Variants in RGMB observed in about 807,000 individuals in gnomAD.
RGMB encodes the protein repulsive guidance molecule B.
Under a neutral mutation model 26.9 loss-of-function variants are expected in RGMB, and 16 were observed. The observed-to-expected ratio is 0.60, with a 90% CI of 0.40 to 0.90. The LOEUF (loss-of-function observed/expected upper bound fraction) is 0.90, where lower values mean the gene tolerates loss of function less well. Among genes scored for constraint, RGMB ranks in the 40% least tolerant of loss-of-function variants. The pLI is 0.00. For missense variants in RGMB, 512 were observed against 573.3 expected (o/e 0.89, Z 1.09); for synonymous variants, 225 against 229.3 (o/e 0.98, Z 0.17).
intron 2 of RGMB, chr5:98,781,095 AC>A (rs1746588575): frequency 6.6e-6 from 1 of 152,218 alleles, no homozygotes; most frequent in South Asian, 2.1e-4. Context: ...TGAAATACTT[AC>A]GACTGTTCTC....
rs61746616 is a variant in RGMB at position 98,793,405 on chromosome 5, C to T, written c.966C>T (p.Ile322=). The change falls in exon 3 of 3, where the codon ATC becomes ATT. Residue 322 remains isoleucine, a synonymous_variant. Transcript: ENST00000513185. ...CVNGCPLSER[I]DDGQGQVSAI... ...ACGGCTGCCCCCTGAGTGAACGCAT[C>T]GATGACGGGCAGGGCCAGGTGTCTG... The T allele has an allele frequency of 3.5e-3, 5,719 of 1,612,764 alleles. 18 individuals carry two copies. The highest frequency in any genetic ancestry group is 4.2e-3 in the Non-Finnish European group (4,988 of 1,179,458).
chr5:98,793,806 A>G lies in RGMB; in HGVS notation c.*53A>G, dbSNP rs1286057777. 9 of 1,303,606 alleles carry G rather than the reference A, an allele frequency of 6.9e-6. No homozygotes were observed. The highest frequency in any genetic ancestry group is 6.2e-6 in the Non-Finnish European group (6 of 962,780). 80.8% of individuals were successfully genotyped at this position (1,303,606 alleles called of 1,614,324 possible). A position where few individuals can be genotyped will look rare whatever the true frequency, so the allele number is the denominator to read the frequency against. ...TTTTTGTCTATAACAAAATTTTAAA[A>G]TATATATTGTCATAATATATTGAGT... On this transcript the variant is annotated 3_prime_UTR_variant, in exon 3 of 3. Transcript: ENST00000513185.
Position 98,773,796 on chromosome 5 carries a change from G to T in RGMB, c.-275G>T, listed in dbSNP as rs186251635. The T allele has an allele frequency of 2.3e-4, 99 of 428,534 alleles. No individual in the cohort carries two copies. Among genetic ancestry groups the T allele is most frequent in the African/African-American group, 2.0e-3 (96 of 48,088 alleles). The allele number at this position is 428,534 out of a possible 1,614,324, so 26.5% of individuals were successfully genotyped here. On this transcript the variant is annotated 5_prime_UTR_variant, in exon 1 of 3. Coordinates refer to ENST00000513185, the MANE Select transcript of RGMB (RefSeq NM_001366508.1). Reference sequence around the variant, plus strand: ...GGGACTCGTCTCAGCAGTCGCTCACGGTCTTTGTGTCTTCTCTTCCGCCCC... The same window carrying T: ...GGGACTCGTCTCAGCAGTCGCTCACTGTCTTTGTGTCTTCTCTTCCGCCCC...
intron 1 of RGMB, among the ~76,000 whole-genome samples, chr5:98,778,422 T>C (rs548647213): frequency 1.3e-5 from 2 of 152,322 alleles, no homozygotes; most frequent in East Asian, 1.9e-4. Flanking sequence ...ACAAAGTTCG[T>C]CTTAGAATAG....
intron 2 of RGMB, among the ~76,000 whole-genome samples, chr5:98,782,377 AAAC>A (rs766755966): frequency 2.0e-5 from 3 of 152,252 alleles, no homozygotes; most frequent in Non-Finnish European, 2.9e-5. Flanking sequence ...ATAAAAATAA[AAAC>A]AATAAGAGGC....
chr5:98,774,106 T>TGCC lies in RGMB; in HGVS notation c.44_46dup (p.Ala15dup). ...GAGCAGCACCTTCCAGCGCCGCCGC[T>TGCC]GCCGCCGCCGAGGTTGAGCAGCGCC... On this transcript the variant is annotated inframe_insertion, in exon 1 of 3. Transcript: ENST00000513185. The TGCC allele has an allele frequency of 7.6e-7, 1 of 1,322,212 alleles. No individual in the cohort carries two copies. The highest frequency in any genetic ancestry group is 1.0e-6 in the Non-Finnish European group (1 of 965,806). 81.9% of individuals were successfully genotyped at this position (1,322,212 alleles called of 1,614,324 possible). A position where few individuals can be genotyped will look rare whatever the true frequency, so the allele number is the denominator to read the frequency against.
intron 2 of RGMB, 143 bp downstream of exon 2, chr5:98,780,231 A>T: frequency 1.4e-6 from 1 of 689,958 alleles, no homozygotes; most frequent in Non-Finnish European, 2.4e-6. Flanking sequence ...ATAAAGGGTT[A>T]AATAAAAATT....
rs1270942608 is a variant in RGMB at position 98,787,587 on chromosome 5, A to G, written c.646-5498A>G. ...GGCCTGCCTTCATATCTGGGCATAT[A>G]GTGAGTTCCTACACTTGCTGGCCTC... On this transcript the variant is annotated intron_variant, in intron 2 of 2. Coordinates refer to ENST00000513185, the MANE Select transcript of RGMB (RefSeq NM_001366508.1). 9.9e-5 allele frequency among the ~76,000 whole-genome samples: 15 copies of G among 152,240 alleles called. 1 individual carries two copies. The highest frequency in any genetic ancestry group is 9.8e-4 in the Admixed American group (15 of 15,280).
At position 98,793,869 on chromosome 5, in the gene RGMB, A is replaced by G. The variant is rs1367939025; in HGVS notation, c.*116A>G. The G allele has an allele frequency of 1.2e-6, 1 of 828,988 alleles. No individual in the cohort carries two copies. The highest frequency in any genetic ancestry group is 2.7e-5 in the East Asian group (1 of 36,726). The allele number at this position is 828,988 out of a possible 1,614,324, so 51.4% of individuals were successfully genotyped here. Reference sequence around the variant, plus strand: ...ATGTATATACCATGTATATGACAGGATGTTTGTCCTGGGACACCCACCAGA... The same window carrying G: ...ATGTATATACCATGTATATGACAGGGTGTTTGTCCTGGGACACCCACCAGA... On this transcript the variant is annotated 3_prime_UTR_variant, in exon 3 of 3. Coordinates refer to ENST00000513185, the MANE Select transcript of RGMB (RefSeq NM_001366508.1).
At chr5:98,787,405 T>A (rs1431903464) in intron 2 of RGMB, among the ~76,000 whole-genome samples, 2 of 152,162 alleles carry the variant, frequency 1.3e-5, no homozygotes, top group East Asian at 3.9e-4. Flanking sequence ...TCCTGCCACC[T>A]CTCTCTACCA....
At chr5:98,785,071 T>C (rs1746731372) in intron 2 of RGMB, among the ~76,000 whole-genome samples, 1 of 152,212 alleles carries the variant, frequency 6.6e-6, no homozygotes, top group African/African-American at 2.4e-5. Flanking sequence ...CCTTGCTTTA[T>C]GAAGATGCTA....
chr5:98,796,357 T>G lies in RGMB; in HGVS notation c.*2604T>G, dbSNP rs1747128810. ...AAGCTCCCCCCCCCCCAACAGTGTG[T>G]CGAGTCTTTGCAAAGAAACCTTTAG... On this transcript the variant is annotated 3_prime_UTR_variant, in exon 3 of 3. Coordinates refer to ENST00000513185, the MANE Select transcript of RGMB (RefSeq NM_001366508.1). 1 of 126,860 alleles carries G rather than the reference T, an allele frequency of 7.9e-6. No individual in the cohort carries two copies. Among genetic ancestry groups the G allele is most frequent in the African/African-American group, 2.8e-5 (1 of 35,442 alleles). 7.9% of individuals were successfully genotyped at this position (126,860 alleles called of 1,614,324 possible).
upstream of RGMB, chr5:98,770,969 G>T: frequency 2.9e-6 from 1 of 345,500 alleles, no homozygotes; most frequent in Non-Finnish European, 5.2e-6. Flanking sequence ...CTGTTAAGCA[G>T]TCAGAGATTC....
chr5:98,772,262 A>G (rs540516401), upstream of RGMB, among the ~76,000 whole-genome samples: 1 of 152,334 alleles, frequency 6.6e-6, no homozygotes, highest in South Asian at 2.1e-4. Flanking sequence ...ACAAGTAAGT[A>G]ATGAAAAGTT....
At chr5:98,784,874 G>A (rs1018082389) in intron 2 of RGMB, among the ~76,000 whole-genome samples, 1 of 152,194 alleles carries the variant, frequency 6.6e-6, no homozygotes, top group Non-Finnish European at 1.5e-5. Flanking sequence ...GTTATAAAGA[G>A]GGGGACGCAT....
upstream of RGMB, chr5:98,771,691 T>G (rs1472435111): frequency 6.6e-6 from 1 of 152,176 alleles, no homozygotes; most frequent in Non-Finnish European, 1.5e-5. Flanking sequence ...GAAGAACAGT[T>G]CCGTTTAACG....
Position 98,790,952 on chromosome 5 carries a change from G to C in RGMB, c.646-2133G>C, listed in dbSNP as rs551173662. On this transcript the variant is annotated intron_variant, in intron 2 of 2. Transcript: ENST00000513185. ...ACTTTTTCAGGTGCAAAATTTTCTT[G>C]AATCAATCTTTTCATCTCCAAGGGA... is the stretch of plus-strand genomic sequence containing the variant. Among the ~76,000 whole-genome samples the C allele has an allele frequency of 7.0e-4, 106 of 151,954 alleles. 1 individual carries two copies. The highest frequency in any genetic ancestry group is 5.2e-3 in the South Asian group (25 of 4,804).
In RGMB at chr5:98,773,956, GA is replaced by G. The variant is rs1262560734; in HGVS notation, c.-113del. 2 of 621,938 alleles carry G rather than the reference GA, an allele frequency of 3.2e-6. No individual in the cohort carries two copies. Among genetic ancestry groups the G allele is most frequent in the African/African-American group, 3.9e-5 (2 of 51,482 alleles). The allele number at this position is 621,938 out of a possible 1,614,324, so 38.5% of individuals were successfully genotyped here. A position where few individuals can be genotyped will look rare whatever the true frequency, so the allele number is the denominator to read the frequency against. ...CATCTGCTACACGGGCCTGAAGAAG[GA>G]AGAAGAGGAAGCGAAGCGCGCCCCC... On this transcript the variant is annotated 5_prime_UTR_variant, in exon 1 of 3. Transcript: ENST00000513185.
rs1056052776 is a variant in RGMB at position 98,795,062 on chromosome 5, T to C, written c.*1309T>C. ...ATATGATTTGGTCAGTTGCTCGTTG[T>C]AACTTGGAGAAATTCCTATAAAGTA... On this transcript the variant is annotated 3_prime_UTR_variant, in exon 3 of 3. Transcript: ENST00000513185. 9 of 152,248 alleles carry C rather than the reference T, an allele frequency of 5.9e-5. No individual in the cohort carries two copies. The highest frequency in any genetic ancestry group is 2.2e-4 in the African/African-American group (9 of 41,468). 9.4% of individuals were successfully genotyped at this position (152,248 alleles called of 1,614,324 possible).
Sources: allele counts gnomAD v4.1 joint callset (sites outside exome capture counted in the v4.1 genomes callset), GRCh38; gene constraint gnomAD v4.1.1; transcripts MANE v1.5; gene names NCBI Gene and HGNC (gene_info 2026-07-23, HGNC 2026-07-21).